The following C1orf21 variants were observed in gnomAD, a reference collection of about 807,000 sequenced individuals.
C1orf21 encodes the protein chromosome 1 open reading frame 21.
In C1orf21, 3 loss-of-function variants were observed where a neutral mutation model predicts 18.7. That is an observed-to-expected ratio of 0.16 (90% CI 0.07 to 0.42). The LOEUF (loss-of-function observed/expected upper bound fraction) is 0.42, where lower values mean the gene tolerates loss of function less well. Ranked by LOEUF, C1orf21 falls within the 10% of genes least tolerant of loss-of-function variation. The probability of loss-of-function intolerance (pLI) is 0.99; values close to 1 mark genes in which losing one functional copy is unlikely to be tolerated. For synonymous variants in C1orf21, 41 were observed against 46.4 expected (o/e 0.88, Z 0.47); for missense variants, 104 against 143.6 (o/e 0.72, Z 1.41).
chr1:184,422,917 G>A (rs920994438), intron 1 of C1orf21, among the ~76,000 whole-genome samples: 2 of 152,214 alleles, frequency 1.3e-5, no homozygotes, highest in Non-Finnish European at 1.5e-5. Context: ...AGATTGACTT[G>A]CTGCAGGGAA....
intron 2 of C1orf21, among the ~76,000 whole-genome samples, chr1:184,504,886 A>G (rs1658030938): frequency 6.6e-6 from 1 of 152,178 alleles, no homozygotes; most frequent in Non-Finnish European, 1.5e-5. Context: ...GTTAAAGCCT[A>G]TCTTCTGTCT....
At chr1:184,602,889 A>C (rs1659603448) in intron 5 of C1orf21, among the ~76,000 whole-genome samples, 1 of 152,226 alleles carries the variant, frequency 6.6e-6, no homozygotes, top group Non-Finnish European at 1.5e-5. Context: ...TGGCTTCCTC[A>C]AAGAGGATCC....
Position 184,593,752 on chromosome 1 carries a change from G to A in C1orf21, c.266+2937G>A, listed in dbSNP as rs575603207. Among the ~76,000 whole-genome samples, 4 of 152,300 alleles carry A rather than the reference G, an allele frequency of 2.6e-5. No individual in the cohort carries two copies. In the South Asian group the frequency reaches 6.2e-4, roughly 24 times the overall value. ...CCAGATGCCTTTAACAGGAGGTTGC[G>A]TGAATGCACCACACTATAGTCACAC... On this transcript the variant is annotated intron_variant, in intron 4 of 5. Coordinates refer to ENST00000235307, the MANE Select transcript of C1orf21 (RefSeq NM_030806.4).
At chr1:184,499,224 G>A (rs938002383) in intron 2 of C1orf21, among the ~76,000 whole-genome samples, 1 of 151,786 alleles carries the variant, frequency 6.6e-6, no homozygotes, top group Admixed American at 6.6e-5. Flanking sequence ...TTATTGCTTG[G>A]CCTTAATGCT....
At chr1:184,407,150 A>T (rs1656261020) in intron 1 of C1orf21, among the ~76,000 whole-genome samples, 1 of 152,056 alleles carries the variant, frequency 6.6e-6, no homozygotes, top group African/African-American at 2.4e-5. Flanking sequence ...TAATTTAAAA[A>T]AAAATTTAGA....
chr1:184,460,820 G>A (rs1168888135), intron 1 of C1orf21, among the ~76,000 whole-genome samples: 1 of 149,366 alleles, frequency 6.7e-6, no homozygotes, highest in African/African-American at 2.5e-5. Context: ...TATCTTCTAA[G>A]TAATCTAGAT....
intron 2 of C1orf21, among the ~76,000 whole-genome samples, chr1:184,499,383 C>T (rs1657939355): frequency 6.6e-6 from 1 of 152,146 alleles, no homozygotes; most frequent in African/African-American, 2.4e-5. Context: ...GTCAAATCAT[C>T]ATTTTAACGC....
chr1:184,468,565 A>G (rs1657442202), intron 1 of C1orf21, among the ~76,000 whole-genome samples: 2 of 152,212 alleles, frequency 1.3e-5, no homozygotes, highest in African/African-American at 2.4e-5. Flanking sequence ...TATTAAATAT[A>G]TTTTTACTCA....
rs1280501525 is a variant in C1orf21, at chr1:184,624,504, A to G, written c.*4948A>G. The G allele has an allele frequency of 1.3e-5, 2 of 152,098 alleles. No individual in the cohort carries two copies. Among genetic ancestry groups the G allele is most frequent in the Non-Finnish European group, 2.9e-5 (2 of 68,030 alleles). The allele number at this position is 152,098 out of a possible 1,614,324, so 9.4% of individuals were successfully genotyped here. On this transcript the variant is annotated 3_prime_UTR_variant, in exon 6 of 6. Coordinates refer to ENST00000235307, the MANE Select transcript of C1orf21 (RefSeq NM_030806.4). ...TCCCAAGTCTTGTTGTTTCATCACA[A>G]ACTGTATCTTTTTAAGGTTAAAAGT... is the stretch of plus-strand genomic sequence containing the variant.
At chr1:184,437,116 T>G (rs1254439644) in intron 1 of C1orf21, among the ~76,000 whole-genome samples, 1 of 152,156 alleles carries the variant, frequency 6.6e-6, no homozygotes. Context: ...TGACACTTTT[T>G]GTTCAGAAGA....
At chr1:184,425,722 A>C (rs565716101) in intron 1 of C1orf21, among the ~76,000 whole-genome samples, 2 of 152,164 alleles carry the variant, frequency 1.3e-5, no homozygotes, top group African/African-American at 4.8e-5. Context: ...TTAGCTTGAA[A>C]GGGCAAGGTC....
chr1:184,583,589 C>G (rs376670412), intron 3 of C1orf21, among the ~76,000 whole-genome samples: 53 of 152,286 alleles, frequency 3.5e-4, no homozygotes, highest in Middle Eastern at 6.8e-3. Context: ...TGGGGAAATA[C>G]TAAGTGTAAA....
chr1:184,613,833 G>A (rs1659776705), intron 5 of C1orf21, among the ~76,000 whole-genome samples: 1 of 152,078 alleles, frequency 6.6e-6, no homozygotes, highest in African/African-American at 2.4e-5. Flanking sequence ...TGGTGCGATG[G>A]AAGGACCACT....
intron 3 of C1orf21, among the ~76,000 whole-genome samples, chr1:184,538,303 C>T (rs1228840017): frequency 6.6e-6 from 1 of 152,128 alleles, no homozygotes; most frequent in Non-Finnish European, 1.5e-5. Flanking sequence ...TCCAATCTTT[C>T]AATTTAGTTG....
At chr1:184,551,835 C>T (rs1658817270) in intron 3 of C1orf21, among the ~76,000 whole-genome samples, 1 of 151,480 alleles carries the variant, frequency 6.6e-6, no homozygotes, top group Admixed American at 6.6e-5. Context: ...GGTAAGACCA[C>T]ATCTCTACAA....
chr1:184,580,457 T>C (rs1659260297), intron 3 of C1orf21, among the ~76,000 whole-genome samples: 3 of 152,276 alleles, frequency 2.0e-5, no homozygotes, highest in Non-Finnish European at 4.4e-5. Flanking sequence ...ATGTCTATGA[T>C]GTTGACTATT....
intron 3 of C1orf21, among the ~76,000 whole-genome samples, chr1:184,535,187 C>T (rs758349758): frequency 6.6e-6 from 1 of 152,114 alleles, no homozygotes; most frequent in Non-Finnish European, 1.5e-5. Flanking sequence ...TTCACACCAG[C>T]TGTCATTTCT....
chr1:184,496,815 G>A (rs1657901519), intron 2 of C1orf21, among the ~76,000 whole-genome samples: 1 of 152,160 alleles, frequency 6.6e-6, no homozygotes, highest in Admixed American at 6.5e-5. Flanking sequence ...TTTGCTATAG[G>A]TTAAAAATGT....
chr1:184,583,505 C>G (rs1659310677), intron 3 of C1orf21, among the ~76,000 whole-genome samples: 1 of 152,156 alleles, frequency 6.6e-6, no homozygotes, highest in Non-Finnish European at 1.5e-5. Context: ...TCTGGTGGGT[C>G]TCCCTGTCGA....
Sources: allele counts gnomAD v4.1 joint callset (sites outside exome capture counted in the v4.1 genomes callset), GRCh38; gene constraint gnomAD v4.1.1; transcripts MANE v1.5; gene names NCBI Gene and HGNC (gene_info 2026-07-23, HGNC 2026-07-21).